The following MAPK4 variants were observed in gnomAD, a reference collection of about 807,000 sequenced individuals.
MAPK4 encodes the protein mitogen-activated protein kinase 4, also known as Erk3-related.
Under a neutral mutation model 47.7 loss-of-function variants are expected in MAPK4, and 22 were observed. That is an observed-to-expected ratio of 0.46 (90% CI 0.33 to 0.66). The LOEUF (loss-of-function observed/expected upper bound fraction) is 0.66. Among genes scored for constraint, MAPK4 ranks in the 30% least tolerant of loss-of-function variants. The pLI, the probability that MAPK4 is intolerant of heterozygous loss-of-function variation, is 0.02. For missense variants in MAPK4, 736 were observed against 831.7 expected, an observed-to-expected ratio of 0.88 and a Z score of 1.42; for synonymous variants, 390 against 365.7, an observed-to-expected ratio of 1.07 and a Z score of -0.76.
chr18:50,573,611 A>G (rs1055518026), intron 1 of MAPK4, among the ~76,000 whole-genome samples: 6 of 152,192 alleles, frequency 3.9e-5, no homozygotes, highest in Non-Finnish European at 8.8e-5. Flanking sequence ...ATTCTACATC[A>G]TGGTGAGTTG....
At chr18:50,722,186 C>A in intron 4 of MAPK4, 87 bp downstream of exon 4, 1 of 1,433,776 alleles carries the variant, frequency 7.0e-7, no homozygotes, top group East Asian at 2.4e-5. Flanking sequence ...AGGTCTCCTT[C>A]CAAAAGGGCA....
intron 1 of MAPK4, among the ~76,000 whole-genome samples, chr18:50,653,795 G>A (rs1197351340): frequency 6.6e-6 from 1 of 152,204 alleles, no homozygotes; most frequent in Non-Finnish European, 1.5e-5. Context: ...CCAGCACCTA[G>A]GAGGCCCTCA....
chr18:50,666,958 CAG>C (rs970645257), intron 2 of MAPK4, among the ~76,000 whole-genome samples: 11 of 152,306 alleles, frequency 7.2e-5, no homozygotes, highest in African/African-American at 2.6e-4. Context: ...CATTTTAAAA[CAG>C]AGAGAAACGG....
At chr18:50,719,358 CA>C (rs869254653) in intron 3 of MAPK4, among the ~76,000 whole-genome samples, 201 of 108,276 alleles carry the variant, frequency 1.9e-3, no homozygotes, top group African/African-American at 5.1e-3. Flanking sequence ...AAAAACAAAA[CA>C]AAAAAAAATA....
At position 50,729,748 on chromosome 18, in the gene MAPK4, C is replaced by A; in HGVS notation, c.1658C>A (p.Pro553His). 1 of 1,606,702 alleles carries A rather than the reference C, an allele frequency of 6.2e-7. No homozygotes were observed. Among genetic ancestry groups the A allele is most frequent in the Non-Finnish European group, 8.5e-7 (1 of 1,177,694 alleles). Residue 553 changes from proline to histidine, a missense_variant, in exon 6 of 6, where the codon CCC becomes CAC. Physicochemically the swap from Pro to His is moderately conservative, Grantham distance 77 (BLOSUM62 -2). Around this residue, in one of 3 missense-constraint regions of MAPK4, gnomAD observed 377 missense variants for 378.6 expected, o/e 1.00. Coordinates refer to ENST00000400384, the MANE Select transcript of MAPK4 (RefSeq NM_002747.4). ...CGCGCCCTGAAGCTCTGCACCAAGC[C>A]CGAGGACCTGCCGGACAATAAACTG... is the stretch of plus-strand genomic sequence containing the variant. Reference protein sequence around the residue: ...ISRALKLCTKPEDLPDNKLGD... With the variant: ...ISRALKLCTKHEDLPDNKLGD...
At position 50,631,418 on chromosome 18, in the gene MAPK4, A is replaced by C. The variant is rs145553302; in HGVS notation, c.-870-31671A>C. ...TGGTACATCCAGAAAAAGGAAGAGG[A>C]AATTCACTAACAATGTCCATGAGAC... On this transcript the variant is annotated intron_variant, in intron 1 of 5. Coordinates refer to ENST00000400384, the MANE Select transcript of MAPK4 (RefSeq NM_002747.4). 3.1e-3 allele frequency among the ~76,000 whole-genome samples: 467 copies of C among 152,322 alleles called. 7 individuals carry two copies. In the East Asian group the frequency reaches 0.044, roughly 14 times the overall value.
chr18:50,687,999 T>C (rs1389372838), intron 2 of MAPK4, among the ~76,000 whole-genome samples: 1 of 152,072 alleles, frequency 6.6e-6, no homozygotes, highest in African/African-American at 2.4e-5. Flanking sequence ...ACTAAACCCA[T>C]TCCCTGCCCT....
At chr18:50,688,978 G>C (rs1192326886) in intron 2 of MAPK4, among the ~76,000 whole-genome samples, 1 of 152,080 alleles carries the variant, frequency 6.6e-6, no homozygotes, top group Admixed American at 6.5e-5. Context: ...TATCCTGCTG[G>C]CCTGGTGCGG....
chr18:50,658,362 G>A (rs879366572), intron 1 of MAPK4, among the ~76,000 whole-genome samples: 3 of 152,172 alleles, frequency 2.0e-5, no homozygotes, highest in Non-Finnish European at 4.4e-5. Context: ...ATACTATGGC[G>A]ATTAGAGCGT....
chr18:50,662,921 C>T (rs1026531985), intron 1 of MAPK4, among the ~76,000 whole-genome samples, 168 bp from the exon 2 acceptor site: 2 of 152,236 alleles, frequency 1.3e-5, no homozygotes, highest in African/African-American at 4.8e-5. Flanking sequence ...GTGCTACGCA[C>T]AGCAGGAGGG....
intron 1 of MAPK4, among the ~76,000 whole-genome samples, chr18:50,644,893 C>G (rs2042974036): frequency 6.6e-6 from 1 of 152,196 alleles, no homozygotes; most frequent in South Asian, 2.1e-4. Context: ...GTGCTATTCC[C>G]CCATCATCCC....
intron 2 of MAPK4, among the ~76,000 whole-genome samples, chr18:50,694,220 A>G (rs1399620438): frequency 6.6e-6 from 1 of 152,192 alleles, no homozygotes; most frequent in Non-Finnish European, 1.5e-5. Context: ...GGATGCCACA[A>G]TCTTGCTGGA....
chr18:50,593,126 C>T (rs937428763), intron 1 of MAPK4, among the ~76,000 whole-genome samples: 4 of 152,206 alleles, frequency 2.6e-5, no homozygotes, highest in African/African-American at 7.2e-5. Context: ...CAACCAGCCT[C>T]CAAACTGTGC....
At chr18:50,609,810 C>T (rs890478417) in intron 1 of MAPK4, among the ~76,000 whole-genome samples, 3 of 152,084 alleles carry the variant, frequency 2.0e-5, no homozygotes, top group Non-Finnish European at 4.4e-5. Flanking sequence ...CTATGCTGTA[C>T]TCTCTTTGGT....
intron 1 of MAPK4, among the ~76,000 whole-genome samples, chr18:50,567,189 C>G (rs2042206159): frequency 6.6e-6 from 1 of 152,008 alleles, no homozygotes; most frequent in African/African-American, 2.4e-5. Flanking sequence ...TTGCTGCACC[C>G]ATCAACCTGT....
chr18:50,677,113 C>G (rs746909493), intron 2 of MAPK4, among the ~76,000 whole-genome samples: 1 of 152,106 alleles, frequency 6.6e-6, no homozygotes, highest in East Asian at 1.9e-4. Flanking sequence ...CTAGGTTGCA[C>G]GCTCCTTATG....
intron 1 of MAPK4, among the ~76,000 whole-genome samples, chr18:50,646,484 AGCACGGAATGGAGCAGAGTG>A (rs1385656648): frequency 6.6e-6 from 1 of 152,148 alleles, no homozygotes; most frequent in Non-Finnish European, 1.5e-5. Context: ...TCCCACTGGG[AGCACGGAATGGAGCAGAGTG>A]GCACCAAGCC....
intron 2 of MAPK4, among the ~76,000 whole-genome samples, chr18:50,696,949 C>T (rs370803190): frequency 2.0e-5 from 3 of 151,734 alleles, no homozygotes; most frequent in African/African-American, 4.8e-5. Flanking sequence ...GGAGGGAAGG[C>T]GCAGAGACTT....
intron 1 of MAPK4, among the ~76,000 whole-genome samples, chr18:50,631,561 C>T (rs927985356): frequency 3.3e-5 from 5 of 152,300 alleles, no homozygotes; most frequent in South Asian, 2.1e-4. Flanking sequence ...CAAACCCTTC[C>T]TGAACTTTGT....
Sources: gnomAD v4.1 joint callset for allele counts (sites outside exome capture counted in the v4.1 genomes callset) on GRCh38, gnomAD v4.1.1 for gene constraint, gnomAD v4.1.1 regional missense constraint, MANE v1.5 for transcripts, NCBI Gene and HGNC (gene_info 2026-07-23, HGNC 2026-07-21) for gene names.